The following DCLRE1B variants were observed in gnomAD, a reference collection of about 807,000 sequenced individuals.
DCLRE1B encodes DNA cross-link repair 1B.
A neutral mutation model predicts 19.8 loss-of-function variants in DCLRE1B; 6 were observed. That is an observed-to-expected ratio of 0.30 (90% CI 0.17 to 0.60). DCLRE1B has a LOEUF of 0.60. Ranked by LOEUF, DCLRE1B falls within the 20% of genes least tolerant of loss-of-function variation. The probability of loss-of-function intolerance (pLI) is 0.87; values close to 1 mark genes in which losing one functional copy is unlikely to be tolerated. For missense variants in DCLRE1B, 622 were observed against 654.2 expected, an observed-to-expected ratio of 0.95 and a Z score of 0.54; for synonymous variants, 258 against 255.7, an observed-to-expected ratio of 1.01 and a Z score of -0.09.
At position 113,912,116 on chromosome 1, in the gene DCLRE1B, A is replaced by G; in HGVS notation, c.1524A>G (p.Pro508=). ...RGLALKYLLT[P]VNFFQAGYSS... ...TAGCACTCAAATATCTTCTGACTCCAGTGAACTTTTTCCAGGCAGGGTATT... is the reference window on the plus strand; with the variant it reads ...TAGCACTCAAATATCTTCTGACTCCGGTGAACTTTTTCCAGGCAGGGTATT... Residue 508 remains proline, a synonymous_variant, in exon 4 of 4, where the codon CCA becomes CCG. Transcript: ENST00000650450. The G allele has an allele frequency of 6.2e-7, 1 of 1,614,234 alleles. No homozygotes were observed. Among genetic ancestry groups the G allele is most frequent in the Non-Finnish European group, 8.5e-7 (1 of 1,180,044 alleles).
intron 1 of DCLRE1B, 143 bp from the exon 2 acceptor site, chr1:113,906,853 G>T (rs1158096659): frequency 1.2e-6 from 1 of 835,302 alleles, no homozygotes. Flanking sequence ...AGGGCAGATT[G>T]CTTGGGAATC....
Position 113,912,295 on chromosome 1 carries a change from A to G in DCLRE1B, c.*104A>G, listed in dbSNP as rs1669294205. On this transcript the variant is annotated 3_prime_UTR_variant, in exon 4 of 4. Transcript: ENST00000650450. The stretch of plus-strand genomic sequence containing the variant: ...GTTTGTTTTTGGGGCCTACTTTTCT[A>G]TCTTTACAAGACTCTTATGGGCCCA... The G allele has an allele frequency of 1.6e-6, 2 of 1,237,962 alleles. No homozygotes were observed. Among genetic ancestry groups the G allele is most frequent in the East Asian group, 2.4e-5 (1 of 42,220 alleles). The allele number at this position is 1,237,962 out of a possible 1,614,324, so 76.7% of individuals were successfully genotyped here. A position where few individuals can be genotyped will look rare whatever the true frequency, so the allele number is the denominator to read the frequency against.
rs1669357089 is a variant in DCLRE1B, at chr1:113,913,931, G to A, written c.*1740G>A. On this transcript the variant is annotated 3_prime_UTR_variant, in exon 4 of 4. Coordinates refer to ENST00000650450, the MANE Select transcript of DCLRE1B (RefSeq NM_022836.4). ...ACATTTTAATTTCTTGATATCTTAA[G>A]CATTTCACTTATTAGATATTGTTCA... 3 of 151,686 alleles carry A rather than the reference G, an allele frequency of 2.0e-5. No homozygotes were observed. The allele number at this position is 151,686 out of a possible 1,614,324, so 9.4% of individuals were successfully genotyped here.
chr1:113,908,419 G>A (rs188339364), intron 3 of DCLRE1B, among the ~76,000 whole-genome samples: 2 of 152,294 alleles, frequency 1.3e-5, no homozygotes, highest in Admixed American at 1.3e-4. Flanking sequence ...ACCAGCTTGG[G>A]CAACATGGCA....
rs369506973 is a variant in DCLRE1B at position 113,907,234 on chromosome 1, T to TTTTTA, written c.355+73_355+74insTTTTA. The stretch of plus-strand genomic sequence containing the variant: ...TTTTTTTTTTTTTTTTTTTTTTTTT[T>TTTTTA]AATGTATAGACTGGGGCCTCGCAGT... On this transcript the variant is annotated intron_variant, in intron 2 of 3. Transcript: ENST00000650450. 3.0e-4 allele frequency: 295 copies of TTTTTA among 991,200 alleles called. 8 individuals are homozygous for TTTTTA. The highest frequency in any genetic ancestry group is 8.4e-4 in the South Asian group (44 of 52,194). 61.4% of individuals were successfully genotyped at this position (991,200 alleles called of 1,614,324 possible).
In DCLRE1B at chr1:113,911,893, A is replaced by T; in HGVS notation, c.1301A>T (p.His434Leu). ...ACGGCCCCACTGGGATTTTCAGTGC[A>T]CTTAAGGTCTACAGATGAGGAGTTT... ...MLTAPLGFSV[H>L]LRSTDEEFIS... The change falls in exon 4 of 4, where the codon CAC becomes CTC. Residue 434 changes from histidine (H) to leucine (L), a missense_variant. His to Leu is a moderately conservative substitution (Grantham distance 99). Transcript: ENST00000650450. The T allele has an allele frequency of 6.2e-7, 1 of 1,614,190 alleles. No individual in the cohort carries two copies.
At chr1:113,906,891 T>G in intron 1 of DCLRE1B, 105 bp from the exon 2 acceptor site, 1 of 1,330,694 alleles carries the variant, frequency 7.5e-7, no homozygotes, top group Non-Finnish European at 1.0e-6. Context: ...TCCCGGTGGC[T>G]CAGGATTTGG....
Position 113,905,766 on chromosome 1 carries a change from T to C in DCLRE1B, c.180T>C (p.Arg60=), listed in dbSNP as rs757845131. The C allele has an allele frequency of 1.9e-6, 3 of 1,613,332 alleles. No homozygotes were observed. The highest frequency in any genetic ancestry group is 1.7e-4 in the Middle Eastern group (1 of 6,052). The change falls in exon 1 of 4, where the codon CGT becomes CGC. Residue 60 remains arginine, a synonymous_variant. Coordinates refer to ENST00000650450, the MANE Select transcript of DCLRE1B (RefSeq NM_022836.4). ...CAATTACAGCCCACCTCTTGCATCGTCACCTACAGGTATGGGGCTGGAGTC... is the reference window on the plus strand; with the variant it reads ...CAATTACAGCCCACCTCTTGCATCGCCACCTACAGGTATGGGGCTGGAGTC... The part of the protein sequence containing the change: ...CSPITAHLLH[R]HLQVSKQWIQ...
At chr1:113,904,628 C>A, upstream of DCLRE1B, 2 of 1,613,884 alleles carry the variant, frequency 1.2e-6, no homozygotes, top group Middle Eastern at 1.7e-4. Flanking sequence ...GGATGACATT[C>A]CGGTAGCGCA....
At chr1:113,908,943 G>A (rs781119172) in intron 3 of DCLRE1B, among the ~76,000 whole-genome samples, 1 of 152,146 alleles carries the variant, frequency 6.6e-6, no homozygotes, top group Non-Finnish European at 1.5e-5. Flanking sequence ...AGGCAAGAGG[G>A]GCTGAAGTGC....
In DCLRE1B at chr1:113,908,109, C is replaced by G; in HGVS notation, c.456C>G (p.Ala152=). The change falls in exon 3 of 4, where the codon GCC becomes GCG. Residue 152 remains alanine (A), a synonymous_variant. Coordinates refer to ENST00000650450, the MANE Select transcript of DCLRE1B (RefSeq NM_022836.4). ...LYLDNTNCNP[A]LVLPSRQEAA... is the part of the protein sequence containing the mutation. The stretch of plus-strand genomic sequence containing the variant: ...TAGACAACACCAATTGCAATCCAGC[C>G]CTGGTTCTTCCTTCCCGACAAGAAG... 1 of 1,614,200 alleles carries G rather than the reference C, an allele frequency of 6.2e-7. No individual in the cohort carries two copies.
rs2101077117 is a variant in DCLRE1B, at chr1:113,912,888, G to A, written c.*697G>A. On this transcript the variant is annotated 3_prime_UTR_variant, in exon 4 of 4. Transcript: ENST00000650450. The stretch of plus-strand genomic sequence containing the variant: ...TCCATGTGGAACAGAGCCAGCTGGG[G>A]GGTTGGGCAGCTCTCTCCAAGGCAG... 6.6e-6 allele frequency: 1 copy of A among 152,606 alleles called. No individual in the cohort carries two copies. The highest frequency in any genetic ancestry group is 3.4e-3 in the Middle Eastern group (1 of 294). The allele number at this position is 152,606 out of a possible 1,614,324, so 9.5% of individuals were successfully genotyped here. A position where few individuals can be genotyped will look rare whatever the true frequency, so the allele number is the denominator to read the frequency against.
At chr1:113,905,845 TG>T in intron 1 of DCLRE1B, 70 bp downstream of exon 1, 2 of 1,500,628 alleles carry the variant, frequency 1.3e-6, no homozygotes, top group East Asian at 4.7e-5. Flanking sequence ...CTGTCATTCT[TG>T]GAGTCATAGA....
upstream of DCLRE1B, chr1:113,904,942 C>T (rs1206518883): frequency 9.5e-6 from 5 of 527,190 alleles, no homozygotes; most frequent in South Asian, 5.9e-5. Context: ...CAGGCCCTAC[C>T]GTCGGCCGGC....
upstream of DCLRE1B, chr1:113,904,860 G>A (rs1435484674): frequency 1.1e-5 from 8 of 760,542 alleles, no homozygotes; most frequent in East Asian, 2.7e-5. Flanking sequence ...CTCGGCTTCC[G>A]TAGGGCCGGC....
chr1:113,911,681 A>C lies in DCLRE1B; in HGVS notation c.1089A>C (p.Gln363His), dbSNP rs770537362. ...VFESPEESADQSQADRDSKKA... is the reference protein window; with the variant it reads ...VFESPEESADHSQADRDSKKA... ...AATCCCCTGAGGAAAGTGCTGATCA[A>C]TCTCAAGCTGACAGAGACTCAAAGA... The change falls in exon 4 of 4, where the codon CAA becomes CAC. Residue 363 changes from glutamine (Q) to histidine (H), a missense_variant. Coordinates refer to ENST00000650450, the MANE Select transcript of DCLRE1B (RefSeq NM_022836.4). 1 of 1,613,566 alleles carries C rather than the reference A, an allele frequency of 6.2e-7. No individual in the cohort carries two copies. Among genetic ancestry groups the C allele is most frequent in the African/African-American group, 1.3e-5 (1 of 74,964 alleles).
chr1:113,908,685 C>T (rs1217390), intron 3 of DCLRE1B, among the ~76,000 whole-genome samples: 96,432 of 152,080 alleles, frequency 0.63, 31,002 homozygotes, highest in African/African-American at 0.74. Flanking sequence ...CCTGATCATC[C>T]ATACCAATTC....
intron 2 of DCLRE1B, 116 bp from the exon 3 acceptor site, chr1:113,907,893 A>C: frequency 8.7e-7 from 1 of 1,150,566 alleles, no homozygotes. Flanking sequence ...GCCAGGCTAC[A>C]TAATAGTTTT....
At chr1:113,907,206 T>TTG in intron 2 of DCLRE1B, 45 bp downstream of exon 2, 3 of 558,694 alleles carry the variant, frequency 5.4e-6, no homozygotes, top group Non-Finnish European at 6.8e-6. Context: ...GACTAGATGT[T>TTG]TTTTTTTTTT....
Sources: allele counts gnomAD v4.1 joint callset (sites outside exome capture counted in the v4.1 genomes callset), GRCh38; gene constraint gnomAD v4.1.1; transcripts MANE v1.5; gene names NCBI Gene and HGNC (gene_info 2026-07-23, HGNC 2026-07-21).